Variants in GALNT18 observed in about 807,000 individuals in gnomAD.
The protein encoded by GALNT18 is GalNAc-transferase 18.
A neutral mutation model predicts 69.5 loss-of-function variants in GALNT18; 44 were observed. The ratio of observed to expected loss-of-function variants is 0.63; its 90% CI spans 0.50 to 0.81. The LOEUF is 0.81. Ranked by LOEUF, GALNT18 falls within the 40% of genes least tolerant of loss-of-function variation. GALNT18 has a pLI of 0.00. For synonymous variants in GALNT18, 364 were observed against 318.2 expected (o/e 1.14, Z -1.53); for missense variants, 715 against 810.0 (o/e 0.88, Z 1.42).
intron 1 of GALNT18, among the ~76,000 whole-genome samples, chr11:11,526,620 C>A (rs1857532731): frequency 6.6e-6 from 1 of 152,152 alleles, no homozygotes; most frequent in African/African-American, 2.4e-5. Flanking sequence ...ACAAAGGCTA[C>A]ATCTCAGGCT....
chr11:11,291,076 A>G (rs1849288235), intron 10 of GALNT18, among the ~76,000 whole-genome samples: 1 of 152,120 alleles, frequency 6.6e-6, no homozygotes, highest in Admixed American at 6.5e-5. Flanking sequence ...AACTTGAAGG[A>G]GGAAAGGAGG....
Position 11,582,429 on chromosome 11 carries a change from T to A in GALNT18, c.235+38930A>T, listed in dbSNP as rs1290507560. Among the ~76,000 whole-genome samples, 3 of 152,202 alleles carry A rather than the reference T, an allele frequency of 2.0e-5. No individual in the cohort carries two copies. The highest frequency in any genetic ancestry group is 4.4e-5 in the Non-Finnish European group (3 of 68,028). ...ATCCAGTGGGGGATTCTGTGTCCCA[T>A]CCCACAGTGACAATGAGTGACTGTC... On this transcript the variant is annotated intron_variant, in intron 1 of 10. Transcript: ENST00000227756. The surrounding 1 kb of genome is among the most constrained non-coding windows in gnomAD (Gnocchi z 5.0).
rs140676587 is a variant in GALNT18, at chr11:11,305,548, A to G, written c.1513-12355T>C. ...CAAGAAAGACTGAGTCGGGATCCAAACTGCCTCGACTCAAGTCTCTGCCCC... is the reference window on the plus strand; with the variant it reads ...CAAGAAAGACTGAGTCGGGATCCAAGCTGCCTCGACTCAAGTCTCTGCCCC... On this transcript the variant is annotated intron_variant, in intron 9 of 10. Coordinates refer to ENST00000227756, the MANE Select transcript of GALNT18 (RefSeq NM_198516.3). 2.8e-4 allele frequency among the ~76,000 whole-genome samples: 42 copies of G among 152,272 alleles called. 1 individual carries two copies. Among genetic ancestry groups the G allele is most frequent in the African/African-American group, 8.9e-4 (37 of 41,548 alleles).
intron 3 of GALNT18, among the ~76,000 whole-genome samples, chr11:11,390,546 C>T (rs970807126): frequency 2.6e-5 from 4 of 152,222 alleles, no homozygotes; most frequent in Admixed American, 6.5e-5. Flanking sequence ...CACACTCCTG[C>T]AAATCACTGC....
At chr11:11,416,401 C>T (rs1462858034) in intron 3 of GALNT18, among the ~76,000 whole-genome samples, 1 of 152,208 alleles carries the variant, frequency 6.6e-6, no homozygotes, top group East Asian at 1.9e-4. Context: ...AGGGTCGGGA[C>T]ACCCTGCCAA....
In GALNT18 at chr11:11,469,519, C is replaced by T. The variant is rs1173159543; in HGVS notation, c.236-20583G>A. ...TCCCCTGACCCCTAATTCACTTCTT[C>T]TCTAAACCTCACTGGATCTGCATCT... On this transcript the variant is annotated intron_variant, in intron 1 of 10. Transcript: ENST00000227756. This position sits in a 1 kb window ranked among gnomAD's most constrained non-coding sequence, Gnocchi z 4.2. Among the ~76,000 whole-genome samples, 1 of 152,216 alleles carries T rather than the reference C, an allele frequency of 6.6e-6. No homozygotes were observed. The highest frequency in any genetic ancestry group is 1.5e-5 in the Non-Finnish European group (1 of 68,038).
At chr11:11,429,865 C>T (rs527572229) in intron 3 of GALNT18, among the ~76,000 whole-genome samples, 4 of 152,188 alleles carry the variant, frequency 2.6e-5, no homozygotes, top group Non-Finnish European at 5.9e-5. Flanking sequence ...TAAGACCAGT[C>T]TCAGTGGCTC....
At chr11:11,351,074 T>C (rs1208538833) in intron 6 of GALNT18, among the ~76,000 whole-genome samples, 1 of 152,000 alleles carries the variant, frequency 6.6e-6, no homozygotes, top group Non-Finnish European at 1.5e-5. Context: ...AAGCTCCAGG[T>C]ATAGGGACAG....
intron 1 of GALNT18, among the ~76,000 whole-genome samples, chr11:11,506,813 A>G (rs1008844258): frequency 1.3e-5 from 2 of 152,336 alleles, no homozygotes; most frequent in South Asian, 4.1e-4. Context: ...GGTATCCTGG[A>G]AAATGTGCAG....
intron 1 of GALNT18, among the ~76,000 whole-genome samples, chr11:11,499,039 G>A (rs1379032845): frequency 1.3e-5 from 2 of 152,186 alleles, no homozygotes; most frequent in African/African-American, 4.8e-5. Context: ...ACAAACTGCT[G>A]ACAGTTACTA....
At chr11:11,568,038 G>A (rs537759810) in intron 1 of GALNT18, among the ~76,000 whole-genome samples, 1 of 152,316 alleles carries the variant, frequency 6.6e-6, no homozygotes, top group East Asian at 1.9e-4. Context: ...TTGGCCAACA[G>A]AGTGTGAGCA....
intron 1 of GALNT18, chr11:11,569,981 G>T (rs1858748125): frequency 6.6e-6 from 1 of 152,200 alleles, no homozygotes; most frequent in South Asian, 2.1e-4. Flanking sequence ...CAGGAAGTGA[G>T]GGAGTGTGGC....
rs1855010110 is a variant in GALNT18, at chr11:11,421,757, T to G, written c.595+10864A>C. Among the ~76,000 whole-genome samples, 1 of 152,106 alleles carries G rather than the reference T, an allele frequency of 6.6e-6. No individual in the cohort carries two copies. Among genetic ancestry groups the G allele is most frequent in the African/African-American group, 2.4e-5 (1 of 41,372 alleles). ...CTCTGCAGAGTCTCTGCAGAGTCTC[T>G]GCAGAGGTCAGGACTGGCCACGCTG... is the stretch of plus-strand genomic sequence containing the variant. On this transcript the variant is annotated intron_variant, in intron 3 of 10. Transcript: ENST00000227756. The surrounding 1 kb of genome is among the most constrained non-coding windows in gnomAD (Gnocchi z 5.6).
At chr11:11,567,575 G>A (rs144229470) in intron 1 of GALNT18, among the ~76,000 whole-genome samples, 387 of 152,262 alleles carry the variant, frequency 2.5e-3, no homozygotes, top group Non-Finnish European at 4.4e-3. Flanking sequence ...AGCATTGTTC[G>A]TCAGCGGTGC....
intron 3 of GALNT18, among the ~76,000 whole-genome samples, chr11:11,399,312 C>T (rs1340771265): frequency 6.6e-6 from 1 of 152,134 alleles, no homozygotes; most frequent in Non-Finnish European, 1.5e-5. Flanking sequence ...TGTTAAGCCA[C>T]CCAGTCTATT....
At chr11:11,348,507 G>A (rs1285209267) in intron 6 of GALNT18, among the ~76,000 whole-genome samples, 1 of 152,000 alleles carries the variant, frequency 6.6e-6, no homozygotes, top group Non-Finnish European at 1.5e-5. Flanking sequence ...GACAATGTCA[G>A]TGTGGAGATA....
chr11:11,350,205 A>G (rs768975227), intron 6 of GALNT18, among the ~76,000 whole-genome samples: 1 of 152,206 alleles, frequency 6.6e-6, no homozygotes, highest in Non-Finnish European at 1.5e-5. Context: ...ACCCAGGGTC[A>G]AGTTAGAGGG....
chr11:11,505,144 G>C lies in GALNT18; in HGVS notation c.236-56208C>G, dbSNP rs1239748266. Among the ~76,000 whole-genome samples, 1 of 152,186 alleles carries C rather than the reference G, an allele frequency of 6.6e-6. No homozygotes were observed. Among genetic ancestry groups the C allele is most frequent in the African/African-American group, 2.4e-5 (1 of 41,440 alleles). ...TTGAAGAGGGCTTGAAGAATGAGTG[G>C]AGTTCAGTAGATGAACACAGGGAAA... On this transcript the variant is annotated intron_variant, in intron 1 of 10. Transcript: ENST00000227756. This position sits in a 1 kb window ranked among gnomAD's most constrained non-coding sequence, Gnocchi z 4.6.
chr11:11,581,349 C>A (rs1459248580), intron 1 of GALNT18, among the ~76,000 whole-genome samples: 1 of 152,212 alleles, frequency 6.6e-6, no homozygotes, highest in East Asian at 1.9e-4. Flanking sequence ...TACACAAAGA[C>A]TCTAAACAGA....
Sources: allele counts gnomAD v4.1 joint callset (sites outside exome capture counted in the v4.1 genomes callset), GRCh38; gene constraint gnomAD v4.1.1; non-coding constraint Gnocchi (gnomAD v3.1); transcripts MANE v1.5; gene names NCBI Gene and HGNC (gene_info 2026-07-23, HGNC 2026-07-21).